The following MALRD1 variants were observed in gnomAD, a reference collection of about 807,000 sequenced individuals.
MALRD1 encodes the protein MAM and LDL receptor class A domain containing 1.
Under a neutral mutation model 242.1 loss-of-function variants are expected in MALRD1, and 247 were observed. The ratio of observed to expected loss-of-function variants is 1.02; its 90% CI spans 0.92 to 1.13. The LOEUF is 1.13. Among genes scored for constraint, MALRD1 ranks in the 50% most tolerant of loss-of-function variants. MALRD1 has a pLI of 0.00. For missense variants in MALRD1, 2,989 were observed against 2,533.1 expected (o/e 1.18, Z -3.86); for synonymous variants, 995 against 866.6 (o/e 1.15, Z -2.60).
At chr10:19,283,777 T>C (rs945325903) in intron 21 of MALRD1, among the ~76,000 whole-genome samples, 1 of 152,224 alleles carries the variant, frequency 6.6e-6, no homozygotes, top group Non-Finnish European at 1.5e-5. Context: ...GTTCTCAACT[T>C]TCTCAACTAG....
chr10:19,073,015 AG>A (rs1835203628), intron 2 of MALRD1, among the ~76,000 whole-genome samples: 1 of 151,854 alleles, frequency 6.6e-6, no homozygotes, highest in Admixed American at 6.6e-5. Context: ...CCTGGATTCA[AG>A]CAATTCTCCT....
chr10:19,391,647 A>T (rs529910127), intron 28 of MALRD1, among the ~76,000 whole-genome samples: 1 of 152,254 alleles, frequency 6.6e-6, no homozygotes, highest in African/African-American at 2.4e-5. Flanking sequence ...GTCGCACCCA[A>T]TCGGGAAGAC....
chr10:19,064,178 A>T (rs1001485589), intron 1 of MALRD1, among the ~76,000 whole-genome samples: 2 of 152,148 alleles, frequency 1.3e-5, no homozygotes, highest in African/African-American at 2.4e-5. Context: ...ACGTTGCACA[A>T]GTTCAAAAAG....
chr10:19,526,734 G>T (rs150654587), intron 31 of MALRD1, among the ~76,000 whole-genome samples: 4 of 152,210 alleles, frequency 2.6e-5, no homozygotes, highest in African/African-American at 9.6e-5. Context: ...TGATTGTCCT[G>T]TGCCAAAATA....
chr10:19,499,959 C>A (rs1837896548), intron 31 of MALRD1, among the ~76,000 whole-genome samples: 2 of 152,078 alleles, frequency 1.3e-5, no homozygotes, highest in Non-Finnish European at 2.9e-5. Flanking sequence ...TAGGAATGAA[C>A]CCTACTGGAT....
At chr10:19,686,760 T>C (rs1842601123) in intron 36 of MALRD1, among the ~76,000 whole-genome samples, 1 of 151,996 alleles carries the variant, frequency 6.6e-6, no homozygotes, top group African/African-American at 2.4e-5. Context: ...ATACAATTTG[T>C]GGAGGGTAGG....
intron 28 of MALRD1, among the ~76,000 whole-genome samples, chr10:19,427,586 G>T (rs1833949810): frequency 6.6e-6 from 1 of 152,018 alleles, no homozygotes; most frequent in Non-Finnish European, 1.5e-5. Context: ...ACAAATCTGG[G>T]TTCAATCTCT....
chr10:19,098,138 T>G (rs1214336808), intron 4 of MALRD1, among the ~76,000 whole-genome samples: 1 of 152,186 alleles, frequency 6.6e-6, no homozygotes, highest in Non-Finnish European at 1.5e-5. Flanking sequence ...CACTCCTTTT[T>G]GTTGTTGTTC....
At chr10:19,469,116 T>A (rs977857924) in intron 29 of MALRD1, among the ~76,000 whole-genome samples, 1 of 152,084 alleles carries the variant, frequency 6.6e-6, no homozygotes, top group Non-Finnish European at 1.5e-5. Flanking sequence ...CCATACTTTT[T>A]AAAGCTTCAA....
At chr10:19,711,632 C>T (rs1457834200) in intron 38 of MALRD1, among the ~76,000 whole-genome samples, 1 of 151,910 alleles carries the variant, frequency 6.6e-6, no homozygotes, top group Non-Finnish European at 1.5e-5. Context: ...TGAAATCCAC[C>T]AAGTGTCAAA....
chr10:19,084,261 G>C (rs1055306066), intron 2 of MALRD1, among the ~76,000 whole-genome samples: 3 of 151,902 alleles, frequency 2.0e-5, no homozygotes, highest in African/African-American at 7.2e-5. Flanking sequence ...TCAACTTGAA[G>C]AGGTTTGTAT....
chr10:19,148,985 A>T (rs1283487200), intron 11 of MALRD1, among the ~76,000 whole-genome samples: 1 of 151,808 alleles, frequency 6.6e-6, no homozygotes, highest in Non-Finnish European at 1.5e-5. Context: ...GCAGCCTAAT[A>T]ATTCCGATAT....
intron 14 of MALRD1, among the ~76,000 whole-genome samples, chr10:19,198,907 G>C (rs926876546): frequency 6.6e-6 from 1 of 152,040 alleles, no homozygotes; most frequent in Non-Finnish European, 1.5e-5. Context: ...TATTGATGAA[G>C]TCTAGAGTTT....
chr10:19,556,266 C>T (rs1835712632), intron 32 of MALRD1, among the ~76,000 whole-genome samples: 1 of 152,076 alleles, frequency 6.6e-6, no homozygotes, highest in Admixed American at 6.6e-5. Flanking sequence ...ACATTAGTTA[C>T]AATTGATGAG....
intron 21 of MALRD1, among the ~76,000 whole-genome samples, chr10:19,316,291 A>T (rs1465142337): frequency 2.6e-5 from 4 of 151,852 alleles, no homozygotes; most frequent in African/African-American, 9.6e-5. Context: ...TCTATGCAGG[A>T]TATTAGGATC....
intron 14 of MALRD1, among the ~76,000 whole-genome samples, chr10:19,194,361 C>T (rs1478184230): frequency 3.9e-5 from 6 of 152,168 alleles, no homozygotes; most frequent in African/African-American, 1.4e-4. Flanking sequence ...TTTAAGGACT[C>T]TCGAGTTACA....
intron 28 of MALRD1, among the ~76,000 whole-genome samples, 191 bp from the exon 29 acceptor site, chr10:19,450,116 A>T (rs1055720325): frequency 1.6e-4 from 24 of 152,014 alleles, no homozygotes; most frequent in Non-Finnish European, 7.4e-5. Flanking sequence ...TGACCTCTTG[A>T]GTCTTTTTGA....
chr10:19,049,021 C>G lies in MALRD1; in HGVS notation c.83C>G (p.Ser28Cys), dbSNP rs1834409063. The G allele has an allele frequency of 1.6e-6, 2 of 1,233,792 alleles. No homozygotes were observed. Among genetic ancestry groups the G allele is most frequent in the South Asian group, 4.1e-5 (1 of 24,420 alleles). 76.4% of individuals were successfully genotyped at this position (1,233,792 alleles called of 1,614,324 possible). Residue 28 changes from serine to cysteine, a missense_variant, in exon 1 of 40, where the codon TCT (serine) becomes TGT (cysteine). Ser to Cys is a moderately radical substitution (Grantham distance 112). Transcript: ENST00000454679. ...CTTTGGATTGCCTGTGTTTTCAATT[C>G]TACACTGGCTCAGCAAGGGACAGAA... Reference protein sequence around the residue: ...CCLWIACVFNSTLAQQGTESF... With the variant: ...CCLWIACVFNCTLAQQGTESF...
chr10:19,461,938 C>T (rs1377597948), intron 29 of MALRD1, among the ~76,000 whole-genome samples: 1 of 152,126 alleles, frequency 6.6e-6, no homozygotes, highest in Non-Finnish European at 1.5e-5. Flanking sequence ...AGCCTGGACA[C>T]ATTGTTGCAG....
Sources: gnomAD v4.1 joint callset for allele counts (sites outside exome capture counted in the v4.1 genomes callset) on GRCh38, gnomAD v4.1.1 for gene constraint, MANE v1.5 for transcripts, NCBI Gene and HGNC (gene_info 2026-07-23, HGNC 2026-07-21) for gene names.